COL26A1: variants seen among roughly 807,000 people sequenced by gnomAD.
COL26A1 encodes the protein collagen alpha-1(XXVI) chain.
Under a neutral mutation model 59.3 loss-of-function variants are expected in COL26A1, and 41 were observed. The ratio of observed to expected loss-of-function variants is 0.69; its 90% CI spans 0.54 to 0.90. The LOEUF is 0.90. Ranked by LOEUF, COL26A1 falls within the 40% of genes least tolerant of loss-of-function variation. The pLI, the probability that COL26A1 is intolerant of heterozygous loss-of-function variation, is 0.00. For missense variants in COL26A1, 612 were observed against 602.3 expected (o/e 1.02, Z -0.17); for synonymous variants, 266 against 256.0 (o/e 1.04, Z -0.37).
At chr7:101,515,983 G>A (rs932427489) in intron 3 of COL26A1, among the ~76,000 whole-genome samples, 1 of 152,182 alleles carries the variant, frequency 6.6e-6, no homozygotes, top group Non-Finnish European at 1.5e-5. Flanking sequence ...AGGCGAGGGG[G>A]ATGCTTTGTA....
At chr7:101,532,895 G>T (rs972540820) in intron 3 of COL26A1, among the ~76,000 whole-genome samples, 187 bp from the exon 4 acceptor site, 2 of 152,190 alleles carry the variant, frequency 1.3e-5, no homozygotes, top group African/African-American at 4.8e-5. Flanking sequence ...AGGCTCAGTG[G>T]TCCAGCAGGC....
chr7:101,398,847 A>G (rs746096530), intron 1 of COL26A1, among the ~76,000 whole-genome samples: 1 of 152,126 alleles, frequency 6.6e-6, no homozygotes, highest in Non-Finnish European at 1.5e-5. Flanking sequence ...GATTAGAATC[A>G]CAAATGCCTG....
chr7:101,440,539 CT>C (rs1793031905), intron 2 of COL26A1, among the ~76,000 whole-genome samples: 1 of 152,174 alleles, frequency 6.6e-6, no homozygotes, highest in Non-Finnish European at 1.5e-5. Context: ...CTCAGGGGGG[CT>C]ACCAAGCTGA....
intron 2 of COL26A1, among the ~76,000 whole-genome samples, chr7:101,422,187 CTGTGAT>C (rs1271285910): frequency 6.6e-6 from 1 of 151,880 alleles, no homozygotes; most frequent in Non-Finnish European, 1.5e-5. Flanking sequence ...TGGTGGGCAC[CTGTGAT>C]TCCAGCTACT....
At chr7:101,504,793 G>T (rs1794772027) in intron 3 of COL26A1, among the ~76,000 whole-genome samples, 1 of 152,198 alleles carries the variant, frequency 6.6e-6, no homozygotes, top group Non-Finnish European at 1.5e-5. Flanking sequence ...CTGGACTCTT[G>T]GTTGTTGCCC....
chr7:101,549,423 C>G (rs982800504), intron 9 of COL26A1, among the ~76,000 whole-genome samples, 200 bp downstream of exon 9: 1 of 151,996 alleles, frequency 6.6e-6, no homozygotes, highest in African/African-American at 2.4e-5. Context: ...TCTCTGTCAC[C>G]CAGGCTGGAG....
intron 3 of COL26A1, among the ~76,000 whole-genome samples, chr7:101,472,292 C>T (rs1400824009): frequency 3.9e-5 from 6 of 152,294 alleles, no homozygotes; most frequent in South Asian, 2.1e-4. Flanking sequence ...AGGTGTGAGC[C>T]GCTGTGCTCA....
intron 1 of COL26A1, among the ~76,000 whole-genome samples, chr7:101,373,961 C>T (rs1202488748): frequency 6.6e-6 from 1 of 152,212 alleles, no homozygotes; most frequent in Non-Finnish European, 1.5e-5. Context: ...CACTTCATTG[C>T]CACTTCCAGA....
intron 1 of COL26A1, among the ~76,000 whole-genome samples, chr7:101,415,818 A>G (rs1295080560): frequency 6.6e-6 from 1 of 151,794 alleles, no homozygotes; most frequent in African/African-American, 2.4e-5. Context: ...TATTGTATAG[A>G]GATGGGGTCT....
intron 4 of COL26A1, among the ~76,000 whole-genome samples, chr7:101,534,216 C>T (rs1795430109): frequency 6.6e-6 from 1 of 152,184 alleles, no homozygotes; most frequent in Admixed American, 6.5e-5. Context: ...GAGCTCTCTC[C>T]GGGGAAGAAC....
intron 1 of COL26A1, among the ~76,000 whole-genome samples, chr7:101,390,306 C>T (rs1380089435): frequency 6.6e-6 from 1 of 151,106 alleles, no homozygotes; most frequent in African/African-American, 2.4e-5. Context: ...CAGGTGTGTG[C>T]CACCTGTAAT....
Position 101,555,946 on chromosome 7 carries a change from G to A in COL26A1, c.1165+75G>A, listed in dbSNP as rs182104167. 417 of 1,280,850 alleles carry A rather than the reference G, an allele frequency of 3.3e-4. 6 individuals carry two copies. The Admixed American group carries it at 8.0e-3, about 24-fold the overall frequency. 79.3% of individuals were successfully genotyped at this position (1,280,850 alleles called of 1,614,324 possible). On this transcript the variant is annotated intron_variant, in intron 12 of 12. Transcript: ENST00000313669. ...CTCTCCCAATGCTGCCCTCATGGCTGCTGCCTAGGGTCTCTGGTCTCCCTC... is the reference window on the plus strand; with the variant it reads ...CTCTCCCAATGCTGCCCTCATGGCTACTGCCTAGGGTCTCTGGTCTCCCTC...
intron 3 of COL26A1, among the ~76,000 whole-genome samples, chr7:101,453,842 G>A (rs1035442051): frequency 6.6e-6 from 1 of 152,082 alleles, no homozygotes; most frequent in Non-Finnish European, 1.5e-5. Flanking sequence ...GGTGAGTCCC[G>A]CACCATTAAT....
intron 5 of COL26A1, among the ~76,000 whole-genome samples, chr7:101,542,482 A>G (rs1367866695): frequency 1.3e-5 from 2 of 152,330 alleles, no homozygotes; most frequent in African/African-American, 4.8e-5. Context: ...AGAGAAGTTA[A>G]GTGACACCCC....
At chr7:101,414,381 C>CCTCTCTCTCT (rs35093515) in intron 1 of COL26A1, among the ~76,000 whole-genome samples, 3 of 145,486 alleles carry the variant, frequency 2.1e-5, no homozygotes, top group Non-Finnish European at 4.5e-5. Flanking sequence ...AGGAAAGTCA[C>CCTCTCTCTCT]CTCTCTCTCT....
chr7:101,451,026 ATAT>A (rs1793324187), intron 3 of COL26A1, among the ~76,000 whole-genome samples: 1 of 144,842 alleles, frequency 6.9e-6, no homozygotes, highest in African/African-American at 2.5e-5. Context: ...TTGTTGATAT[ATAT>A]TATTGAATAA....
intron 7 of COL26A1, 120 bp downstream of exon 7, chr7:101,545,610 CA>C: frequency 1.8e-6 from 2 of 1,086,770 alleles, no homozygotes; most frequent in Non-Finnish European, 2.5e-6. Flanking sequence ...CTGCTGCACC[CA>C]ACTGGCTCAC....
intron 3 of COL26A1, among the ~76,000 whole-genome samples, chr7:101,529,745 A>C (rs1012720161): frequency 6.6e-6 from 1 of 152,192 alleles, no homozygotes; most frequent in African/African-American, 2.4e-5. Context: ...GTTGCTGCAA[A>C]GGACATGATT....
At chr7:101,544,162 T>A in intron 6 of COL26A1, 66 bp downstream of exon 6, 1 of 1,291,338 alleles carries the variant, frequency 7.7e-7, no homozygotes, top group Non-Finnish European at 1.1e-6. Flanking sequence ...TCTTCTCTAC[T>A]GGAACAGGCG....
Sources: allele counts gnomAD v4.1 joint callset (sites outside exome capture counted in the v4.1 genomes callset), GRCh38; gene constraint gnomAD v4.1.1; transcripts MANE v1.5; gene names NCBI Gene and HGNC (gene_info 2026-07-23, HGNC 2026-07-21).